SNW1: variants seen among roughly 807,000 people sequenced by gnomAD.
SNW1 encodes SNW domain containing 1, also known as SNW domain-containing protein 1.
SNW1 carries 9 observed loss-of-function variants against 75.6 expected under a neutral mutation model. That is an observed-to-expected ratio of 0.12 (90% CI 0.07 to 0.21). SNW1 has a LOEUF of 0.21. Among genes scored for constraint, SNW1 ranks in the 10% least tolerant of loss-of-function variants. The probability of loss-of-function intolerance (pLI) is 1.00; values close to 1 mark genes in which losing one functional copy is unlikely to be tolerated. For synonymous variants in SNW1, 200 were observed against 219.1 expected (o/e 0.91, Z 0.77); for missense variants, 409 against 670.9 (o/e 0.61, Z 4.31).
At chr14:77,731,699 G>A (rs2080628571) in intron 9 of SNW1, among the ~76,000 whole-genome samples, 1 of 152,200 alleles carries the variant, frequency 6.6e-6, no homozygotes, top group African/African-American at 2.4e-5. Flanking sequence ...TATGATGCAT[G>A]TGAACTTCAA....
intron 3 of SNW1, among the ~76,000 whole-genome samples, chr14:77,746,443 T>C (rs2080761029): frequency 6.6e-6 from 1 of 152,104 alleles, no homozygotes; most frequent in African/African-American, 2.4e-5. Context: ...AGAGAATAAA[T>C]AGATGGAAGG....
chr14:77,740,482 G>C (rs1368721099), intron 3 of SNW1, among the ~76,000 whole-genome samples: 1 of 152,128 alleles, frequency 6.6e-6, no homozygotes, highest in African/African-American at 2.4e-5. Context: ...CTTTGCCTAT[G>C]CCTTCAATCT....
intron 11 of SNW1, 195 bp downstream of exon 11, chr14:77,722,986 A>G (rs1248932343): frequency 5.6e-6 from 3 of 534,470 alleles, no homozygotes; most frequent in Non-Finnish European, 3.4e-6. Flanking sequence ...CTGGGACTAC[A>G]GGCGCCTGCC....
chr14:77,750,603 A>C (rs887403014), intron 3 of SNW1, among the ~76,000 whole-genome samples: 3 of 151,920 alleles, frequency 2.0e-5, no homozygotes, highest in Non-Finnish European at 4.4e-5. Context: ...GCTCTCAAGT[A>C]TTTTTCCAAA....
chr14:77,732,150 C>A (rs977242939), intron 9 of SNW1, among the ~76,000 whole-genome samples: 2 of 152,190 alleles, frequency 1.3e-5, no homozygotes, highest in Admixed American at 1.3e-4. Flanking sequence ...CCTGCAACTG[C>A]CCTTTTGGGG....
At chr14:77,755,631 C>CTGGT (rs1306673933) in intron 1 of SNW1, among the ~76,000 whole-genome samples, 1 of 152,058 alleles carries the variant, frequency 6.6e-6, no homozygotes, top group Non-Finnish European at 1.5e-5. Flanking sequence ...GTTGGCCAGG[C>CTGGT]TGGTCTTGAA....
chr14:77,737,104 G>T, intron 5 of SNW1, 29 bp from the exon 6 acceptor site: 3 of 1,490,668 alleles, frequency 2.0e-6, no homozygotes, highest in South Asian at 2.3e-5. Flanking sequence ...AACTAAAGGT[G>T]TAATTAGTTC....
intron 1 of SNW1, among the ~76,000 whole-genome samples, chr14:77,760,307 C>T (rs752488382): frequency 6.6e-6 from 1 of 152,112 alleles, no homozygotes; most frequent in Non-Finnish European, 1.5e-5. Flanking sequence ...AAGCTGATGT[C>T]CTGAAAGGAT....
intron 10 of SNW1, among the ~76,000 whole-genome samples, chr14:77,726,266 G>A (rs564622679): frequency 6.6e-6 from 1 of 152,250 alleles, no homozygotes; most frequent in African/African-American, 2.4e-5. Flanking sequence ...CAATTCATGA[G>A]CATGGGCTAT....
At chr14:77,758,900 T>C (rs1261503015) in intron 1 of SNW1, among the ~76,000 whole-genome samples, 2 of 152,218 alleles carry the variant, frequency 1.3e-5, no homozygotes, top group African/African-American at 4.8e-5. Flanking sequence ...ATTTTGATGT[T>C]ATCTACCTGG....
chr14:77,738,124 T>C (rs1421042648), intron 5 of SNW1, among the ~76,000 whole-genome samples: 1 of 150,158 alleles, frequency 6.7e-6, no homozygotes, highest in Non-Finnish European at 1.5e-5. Flanking sequence ...GCCAACATGG[T>C]GAAACCCTGT....
At chr14:77,720,540 A>G (rs2080530950) in intron 12 of SNW1, 171 bp downstream of exon 12, 1 of 753,514 alleles carries the variant, frequency 1.3e-6, no homozygotes, top group Admixed American at 1.8e-5. Flanking sequence ...GCCCACTATA[A>G]GAAGTTAAAA....
chr14:77,722,188 C>T (rs1291968432), intron 11 of SNW1, among the ~76,000 whole-genome samples: 3 of 152,164 alleles, frequency 2.0e-5, no homozygotes, highest in South Asian at 2.1e-4. Flanking sequence ...AGTATTGCAG[C>T]GTTCCCTCTA....
chr14:77,751,825 C>T (rs994164710), intron 2 of SNW1, among the ~76,000 whole-genome samples: 5 of 121,970 alleles, frequency 4.1e-5, no homozygotes, highest in Admixed American at 9.6e-5. Flanking sequence ...CACACACACA[C>T]ACACACACAC....
intron 5 of SNW1, among the ~76,000 whole-genome samples, chr14:77,737,991 C>CAAAAAAAAAAAAAAAAAAAAAAAAAAAAA: frequency 1.3e-5 from 1 of 74,164 alleles, no homozygotes; most frequent in Non-Finnish European, 2.4e-5. Context: ...GACTCCATCT[C>CAAAAAAAAAAAAAAAAAAAAAAAAAAAAA]AAAAAAAAAA....
chr14:77,717,605 C>T lies in SNW1; in HGVS notation c.*483G>A, dbSNP rs1181385416. 1 of 1,545,978 alleles carries T rather than the reference C, an allele frequency of 6.5e-7. No homozygotes were observed. Among genetic ancestry groups the T allele is most frequent in the Admixed American group, 1.7e-5 (1 of 57,526 alleles). On this transcript the variant is annotated 3_prime_UTR_variant, in exon 14 of 14. Coordinates refer to ENST00000261531, the MANE Select transcript of SNW1 (RefSeq NM_012245.3). ...AAGTTAACATAACTGAGAATTTTGT[C>T]TAAATGTTTTTATTTGAAACAAATA... is the stretch of plus-strand genomic sequence containing the variant.
chr14:77,759,593 CAA>C (rs1288511991), intron 1 of SNW1, among the ~76,000 whole-genome samples: 6 of 152,194 alleles, frequency 3.9e-5, no homozygotes, highest in East Asian at 1.9e-4. Context: ...ACCTTTTCCA[CAA>C]AGTCTCCCCT....
intron 8 of SNW1, among the ~76,000 whole-genome samples, chr14:77,733,451 A>G (rs2080643029): frequency 6.6e-6 from 1 of 152,010 alleles, no homozygotes. Context: ...GTTTTAGTAA[A>G]TAGAAAAAAA....
At chr14:77,736,409 C>A (rs2080672013) in intron 6 of SNW1, among the ~76,000 whole-genome samples, 2 of 151,958 alleles carry the variant, frequency 1.3e-5, no homozygotes, top group Non-Finnish European at 2.9e-5. Context: ...CTTAGCTGGG[C>A]ATTGTGGTAC....
Sources: allele counts gnomAD v4.1 joint callset (sites outside exome capture counted in the v4.1 genomes callset), GRCh38; gene constraint gnomAD v4.1.1; transcripts MANE v1.5; gene names NCBI Gene and HGNC (gene_info 2026-07-23, HGNC 2026-07-21).